Variants in STK32A observed in about 807,000 individuals in gnomAD.
STK32A encodes serine/threonine kinase 32A.
In STK32A, 41 loss-of-function variants were observed where a neutral mutation model predicts 53.2. The observed-to-expected ratio is 0.77, with a 90% CI of 0.60 to 1.00. The LOEUF is 1.00. Ranked by LOEUF, STK32A falls within the 50% of genes least tolerant of loss-of-function variation. STK32A has a pLI of 0.00. For synonymous variants in STK32A, 166 were observed against 162.8 expected, an observed-to-expected ratio of 1.02 and a Z score of -0.15; for missense variants, 458 against 485.8, an observed-to-expected ratio of 0.94 and a Z score of 0.54.
chr5:147,239,777 G>T, intron 2 of STK32A, 91 bp downstream of exon 2: 1 of 989,694 alleles, frequency 1.0e-6, no homozygotes, highest in South Asian at 1.5e-5. Context: ...CATAAGCATG[G>T]TCTGTAGGGC....
rs1448585453 is a variant in STK32A at position 147,384,358 on chromosome 5, T to G, written c.*375T>G. The G allele has an allele frequency of 1.3e-6, 2 of 1,506,968 alleles. No homozygotes were observed. The highest frequency in any genetic ancestry group is 4.1e-5 in the Admixed American group (2 of 48,912). 93.3% of individuals were successfully genotyped at this position (1,506,968 alleles called of 1,614,324 possible). ...TATGAATATAGATTTATTTTTCCAC[T>G]CCTTCTAATTATGCAGTGACAAATG... On this transcript the variant is annotated 3_prime_UTR_variant, in exon 13 of 13. Coordinates refer to ENST00000397936, the MANE Select transcript of STK32A (RefSeq NM_001112724.2).
chr5:147,328,530 TC>T (rs1325226268), intron 5 of STK32A, among the ~76,000 whole-genome samples: 1 of 152,212 alleles, frequency 6.6e-6, no homozygotes, highest in African/African-American at 2.4e-5. Flanking sequence ...TAGACAACTT[TC>T]TTATTAGTCA....
At chr5:147,368,682 G>T (rs2152002245) in intron 8 of STK32A, among the ~76,000 whole-genome samples, 1 of 152,066 alleles carries the variant, frequency 6.6e-6, no homozygotes, top group Non-Finnish European at 1.5e-5. Context: ...AACTGTAAAA[G>T]TAAATTAAAA....
intron 2 of STK32A, chr5:147,240,012 C>A: frequency 4.0e-6 from 1 of 250,036 alleles, no homozygotes; most frequent in East Asian, 8.8e-5. Flanking sequence ...CCCCATTGCT[C>A]ATTGTTACAG....
At chr5:147,296,407 CCT>C (rs1382193353) in intron 4 of STK32A, among the ~76,000 whole-genome samples, 2 of 151,622 alleles carry the variant, frequency 1.3e-5, no homozygotes, top group Non-Finnish European at 2.9e-5. Flanking sequence ...TTGCTTCTCC[CCT>C]GATTCTTCCT....
At chr5:147,397,185 TATATAC>T in the STK32A span, among the ~76,000 whole-genome samples, 4 of 121,562 alleles carry the variant, frequency 3.3e-5, no homozygotes, top group African/African-American at 1.3e-4. Context: ...TATATATATA[TATATAC>T]ACACATATCT....
chr5:147,333,531 G>A (rs1754974361), intron 5 of STK32A, among the ~76,000 whole-genome samples: 1 of 152,102 alleles, frequency 6.6e-6, no homozygotes, highest in South Asian at 2.1e-4. Context: ...GGCAACTTGG[G>A]CAAGACACTA....
chr5:147,395,472 TGAG>T, the STK32A span: 1 of 1,496,600 alleles, frequency 6.7e-7, no homozygotes, highest in South Asian at 1.2e-5. Context: ...TCCTTCAGGT[TGAG>T]TTCTGAGGAA....
In STK32A at chr5:147,241,263, G is replaced by A. The variant is rs1251213288; in HGVS notation, c.52+1577G>A. The stretch of plus-strand genomic sequence containing the variant: ...GGAGGCCGAGGCGGGCGGATCACGA[G>A]GTCAGGAGATCGAGACCATCCTGGC... On this transcript the variant is annotated intron_variant, in intron 2 of 12. Transcript: ENST00000397936. Among the ~76,000 whole-genome samples the A allele has an allele frequency of 5.9e-5, 9 of 152,146 alleles. No homozygotes were observed. In the East Asian group the frequency reaches 1.7e-3, roughly 29 times the overall value.
chr5:147,399,234 C>T, the STK32A span: 8 of 1,614,046 alleles, frequency 5.0e-6, no homozygotes, highest in East Asian at 8.9e-5. Context: ...AACTGGTTTT[C>T]GTCCATTTTC....
At chr5:147,262,941 A>G (rs1340545775) in intron 2 of STK32A, among the ~76,000 whole-genome samples, 1 of 152,184 alleles carries the variant, frequency 6.6e-6, no homozygotes, top group Admixed American at 6.5e-5. Flanking sequence ...AGTAAATGAC[A>G]TTGTTTGGAT....
At chr5:147,340,426 G>A (rs182502806) in intron 5 of STK32A, among the ~76,000 whole-genome samples, 10 of 152,274 alleles carry the variant, frequency 6.6e-5, no homozygotes, top group Admixed American at 2.6e-4. Context: ...CATTTTGTAA[G>A]TTATTTCATA....
At chr5:147,268,840 T>A (rs981680088) in intron 2 of STK32A, among the ~76,000 whole-genome samples, 33 of 152,134 alleles carry the variant, frequency 2.2e-4, no homozygotes, top group African/African-American at 7.2e-4. Context: ...GGATCTGAGT[T>A]GTGAGAGAGG....
chr5:147,291,026 A>G (rs1206587435), intron 4 of STK32A, among the ~76,000 whole-genome samples: 1 of 152,198 alleles, frequency 6.6e-6, no homozygotes, highest in African/African-American at 2.4e-5. Flanking sequence ...ATAATGGGTG[A>G]GGCAGCTAGT....
At chr5:147,401,725 T>C in the STK32A span, 2 of 1,613,386 alleles carry the variant, frequency 1.2e-6, no homozygotes, top group South Asian at 2.2e-5. Flanking sequence ...AGACAAGGGG[T>C]TAGCATAAAG....
At chr5:147,319,561 A>G (rs968322333) in intron 4 of STK32A, among the ~76,000 whole-genome samples, 5 of 152,298 alleles carry the variant, frequency 3.3e-5, no homozygotes, top group African/African-American at 9.6e-5. Flanking sequence ...TGAACTTCAC[A>G]CTAGGTACAC....
intron 8 of STK32A, among the ~76,000 whole-genome samples, chr5:147,364,402 C>A (rs1396785786): frequency 1.3e-5 from 2 of 152,088 alleles, no homozygotes; most frequent in East Asian, 1.9e-4. Context: ...ACCAGAATCA[C>A]CCTTAATATC....
At chr5:147,255,393 T>C (rs1444184211) in intron 2 of STK32A, among the ~76,000 whole-genome samples, 1 of 152,182 alleles carries the variant, frequency 6.6e-6, no homozygotes, top group Non-Finnish European at 1.5e-5. Flanking sequence ...TGCATCTACT[T>C]ACGGATGCAC....
At chr5:147,398,923 A>G in the STK32A span, among the ~76,000 whole-genome samples, 1 of 152,234 alleles carries the variant, frequency 6.6e-6, no homozygotes, top group African/African-American at 2.4e-5. Context: ...CAGGAGAAAC[A>G]CAGTTGAGGT....
Sources: gnomAD v4.1 joint callset for allele counts (sites outside exome capture counted in the v4.1 genomes callset) on GRCh38, gnomAD v4.1.1 for gene constraint, MANE v1.5 for transcripts, NCBI Gene and HGNC (gene_info 2026-07-23, HGNC 2026-07-21) for gene names.